ANTXR1: variants seen among roughly 807,000 people sequenced by gnomAD.
ANTXR1 encodes anthrax toxin receptor 1.
Under a neutral mutation model 78.1 loss-of-function variants are expected in ANTXR1, and 19 were observed. The ratio of observed to expected loss-of-function variants is 0.24; its 90% CI spans 0.17 to 0.36. The LOEUF (loss-of-function observed/expected upper bound fraction) is 0.36, where lower values mean the gene tolerates loss of function less well. Ranked by LOEUF, ANTXR1 falls within the 10% of genes least tolerant of loss-of-function variation. ANTXR1 has a pLI of 1.00. For missense variants in ANTXR1, 518 were observed against 718.6 expected, an observed-to-expected ratio of 0.72 and a Z score of 3.19; for synonymous variants, 273 against 260.5, an observed-to-expected ratio of 1.05 and a Z score of -0.46.
intron 13 of ANTXR1, among the ~76,000 whole-genome samples, chr2:69,153,317 G>A (rs1009706041): frequency 2.0e-5 from 3 of 152,196 alleles, no homozygotes; most frequent in African/African-American, 7.2e-5. Context: ...AGACCACAGA[G>A]AGACAGAGCA....
At chr2:69,099,914 C>T (rs893968821) in intron 9 of ANTXR1, among the ~76,000 whole-genome samples, 1 of 152,216 alleles carries the variant, frequency 6.6e-6, no homozygotes, top group Non-Finnish European at 1.5e-5. Flanking sequence ...ATCTTGGCCT[C>T]TGCCATCAGG....
intron 17 of ANTXR1, among the ~76,000 whole-genome samples, chr2:69,228,341 A>AGC (rs1675513459): frequency 6.6e-6 from 1 of 152,174 alleles, no homozygotes; most frequent in Non-Finnish European, 1.5e-5. Flanking sequence ...GACCCGTGGA[A>AGC]ACTTCTCAAA....
Position 69,145,676 on chromosome 2 carries a change from T to C in ANTXR1, c.952-6493T>C, listed in dbSNP as rs140405412. On this transcript the variant is annotated intron_variant, in intron 12 of 17. Transcript: ENST00000303714. Reference sequence around the variant, plus strand: ...GCAGACCCAACTTTGAGGTGGAGGATTTCACAGTTTCTTTATTTTGAACTT... The same window carrying C: ...GCAGACCCAACTTTGAGGTGGAGGACTTCACAGTTTCTTTATTTTGAACTT... 385 of 1,153,144 alleles carry C rather than the reference T, an allele frequency of 3.3e-4. 1 individual carries two copies. The African/African-American group carries it at 5.7e-3, about 17-fold the overall frequency. 71.4% of individuals were successfully genotyped at this position (1,153,144 alleles called of 1,614,324 possible). A position where few individuals can be genotyped will look rare whatever the true frequency, so the allele number is the denominator to read the frequency against.
intron 2 of ANTXR1, among the ~76,000 whole-genome samples, chr2:69,041,878 C>G (rs1478272091): frequency 2.0e-5 from 3 of 152,152 alleles, no homozygotes; most frequent in Non-Finnish European, 4.4e-5. Flanking sequence ...CTCCGCTAAC[C>G]CTGCTTGGCC....
intron 1 of ANTXR1, among the ~76,000 whole-genome samples, chr2:69,016,779 A>T (rs1671038657): frequency 6.6e-6 from 1 of 152,242 alleles, no homozygotes. Context: ...CTGAACATAC[A>T]TTACTTTTAT....
intron 17 of ANTXR1, among the ~76,000 whole-genome samples, chr2:69,217,312 C>T (rs1675202816): frequency 6.6e-6 from 1 of 152,232 alleles, no homozygotes; most frequent in Admixed American, 6.5e-5. Context: ...GCCCCCTCAT[C>T]CCTAATGAGG....
chr2:69,146,743 C>T (rs1243268242), intron 12 of ANTXR1, among the ~76,000 whole-genome samples: 1 of 152,236 alleles, frequency 6.6e-6, no homozygotes, highest in Non-Finnish European at 1.5e-5. Context: ...TACCTTGCAC[C>T]CTGCCAGCTC....
At chr2:69,114,887 T>A (rs962402517) in intron 10 of ANTXR1, among the ~76,000 whole-genome samples, 1 of 152,132 alleles carries the variant, frequency 6.6e-6, no homozygotes. Flanking sequence ...ACCCATCACC[T>A]CTAAACTTTT....
intron 13 of ANTXR1, among the ~76,000 whole-genome samples, chr2:69,168,414 G>A (rs1016598914): frequency 2.6e-5 from 4 of 152,288 alleles, no homozygotes; most frequent in Non-Finnish European, 5.9e-5. Flanking sequence ...CTGACAGTCA[G>A]GAGAAGGCAG....
intron 8 of ANTXR1, among the ~76,000 whole-genome samples, chr2:69,090,155 T>C (rs1158513863): frequency 6.6e-6 from 1 of 151,918 alleles, no homozygotes; most frequent in Non-Finnish European, 1.5e-5. Context: ...TTTTCCAGAC[T>C]TTCCAAGCAA....
intron 17 of ANTXR1, among the ~76,000 whole-genome samples, chr2:69,221,102 T>C (rs1404577518): frequency 1.3e-5 from 2 of 152,170 alleles, no homozygotes; most frequent in African/African-American, 4.8e-5. Context: ...TTTTATTTTT[T>C]GCAACAATAT....
intron 1 of ANTXR1, among the ~76,000 whole-genome samples, chr2:69,035,592 G>A (rs1403958451): frequency 6.6e-6 from 1 of 152,142 alleles, no homozygotes; most frequent in Admixed American, 6.5e-5. Flanking sequence ...TTTTACCTTT[G>A]ATGATTGAGG....
chr2:69,066,610 T>C (rs1670407203), intron 3 of ANTXR1, among the ~76,000 whole-genome samples: 1 of 152,116 alleles, frequency 6.6e-6, no homozygotes, highest in African/African-American at 2.4e-5. Flanking sequence ...CCAGAAGACA[T>C]TGTGACTGAT....
intron 10 of ANTXR1, among the ~76,000 whole-genome samples, chr2:69,113,011 G>T (rs749455763): frequency 6.6e-6 from 1 of 152,198 alleles, no homozygotes; most frequent in African/African-American, 2.4e-5. Flanking sequence ...ACAGTCCAAA[G>T]TTAGCTGCAC....
At chr2:69,089,745 G>A (rs749205554) in intron 8 of ANTXR1, among the ~76,000 whole-genome samples, 8 of 152,102 alleles carry the variant, frequency 5.3e-5, no homozygotes, top group South Asian at 2.1e-4. Flanking sequence ...TAATCATATC[G>A]TCAGTTGTTT....
chr2:69,039,195 G>C (rs999924189), intron 1 of ANTXR1, among the ~76,000 whole-genome samples: 4 of 152,152 alleles, frequency 2.6e-5, no homozygotes, highest in Non-Finnish European at 4.4e-5. Flanking sequence ...ACTAAAAAGA[G>C]TGGGTTCGAA....
At chr2:69,210,381 A>C (rs1675010953) in intron 17 of ANTXR1, among the ~76,000 whole-genome samples, 1 of 152,230 alleles carries the variant, frequency 6.6e-6, no homozygotes, top group Non-Finnish European at 1.5e-5. Context: ...AAACACATTC[A>C]AGGTGAATAA....
At chr2:69,119,260 C>T (rs771827456) in intron 10 of ANTXR1, among the ~76,000 whole-genome samples, 25 of 152,178 alleles carry the variant, frequency 1.6e-4, no homozygotes, top group Non-Finnish European at 3.1e-4. Flanking sequence ...GGCTGTGGCG[C>T]TGCAGTGCGC....
At chr2:69,100,244 C>T (rs769555039) in intron 9 of ANTXR1, among the ~76,000 whole-genome samples, 55 of 152,168 alleles carry the variant, frequency 3.6e-4, no homozygotes, top group Non-Finnish European at 6.6e-4. Context: ...TGTTACATAA[C>T]GTCTATGTGT....
Sources: allele counts gnomAD v4.1 joint callset (sites outside exome capture counted in the v4.1 genomes callset), GRCh38; gene constraint gnomAD v4.1.1; transcripts MANE v1.5; gene names NCBI Gene and HGNC (gene_info 2026-07-23, HGNC 2026-07-21).